The following FAM153A variants were observed in gnomAD, a reference collection of about 807,000 sequenced individuals.
The protein encoded by FAM153A is family with sequence similarity 153 member A, also known as protein FAM153A.
Under a neutral mutation model 48.1 loss-of-function variants are expected in FAM153A, and 12 were observed. The ratio of observed to expected loss-of-function variants is 0.25; its 90% CI spans 0.16 to 0.40. The LOEUF is 0.40. FAM153A is among the 10% of genes least tolerant of loss of function. The pLI is 1.00. For missense variants in FAM153A, 111 were observed against 345.8 expected (o/e 0.32, Z 5.38); for synonymous variants, 36 against 118.2 (o/e 0.30, Z 4.51).
intron 12 of FAM153A, among the ~76,000 whole-genome samples, chr5:177,735,145 G>A (rs1296460417): frequency 6.7e-6 from 1 of 150,148 alleles, no homozygotes; most frequent in African/African-American, 2.5e-5. Flanking sequence ...AGTGCAGGCT[G>A]TGTGTCCCTG....
At position 177,724,279 on chromosome 5, in the gene FAM153A, C is replaced by T. The variant is rs1339318400; in HGVS notation, c.1070+16G>A. 1 of 1,547,498 alleles carries T rather than the reference C, an allele frequency of 6.5e-7. No homozygotes were observed. The highest frequency in any genetic ancestry group is 1.1e-5 in the South Asian group (1 of 88,566). ...CGTGCCCACTTCCCTCATCATTCTG[C>T]CCACTGCACACTCACACTTCCTCTT... is the stretch of plus-strand genomic sequence containing the variant. On this transcript the variant is annotated intron_variant, in intron 20 of 20. Coordinates refer to ENST00000614127, the Ensembl canonical transcript of FAM153A.
the FAM153A span, among the ~76,000 whole-genome samples, chr5:177,702,939 C>G: frequency 6.6e-6 from 1 of 152,048 alleles, no homozygotes; most frequent in South Asian, 2.1e-4. Flanking sequence ...CATGAAGGCT[C>G]TGCCCCATGC....
intron 18 of FAM153A, among the ~76,000 whole-genome samples, chr5:177,725,836 T>C (rs898984532): frequency 1.3e-5 from 2 of 151,924 alleles, no homozygotes; most frequent in Non-Finnish European, 2.9e-5. Context: ...CACATATCCC[T>C]TAGGATTCCT....
rs774084490 is a variant in FAM153A, at chr5:177,778,261, TAAAAAAAAAA to T, written c.-57+2178_-57+2187del. ...ATGTACCCTAAAACTTAGAGTATAATAAAAAAAAAAAAAAAAAAAAAAAAGAAATAAGTGA... is the reference window on the plus strand; with the variant it reads ...ATGTACCCTAAAACTTAGAGTATAATAAAAAAAAAAAAAAGAAATAAGTGA... On this transcript the variant is annotated intron_variant, in intron 1 of 8. Coordinates refer to the FAM153A transcript ENST00000393518. Among the ~76,000 whole-genome samples, 2 of 20,040 alleles carry T rather than the reference TAAAAAAAAAA, an allele frequency of 1.0e-4. 1 individual carries two copies. Among genetic ancestry groups the T allele is most frequent in the East Asian group, 3.0e-3 (2 of 676 alleles). The allele number at this position is 20,040 out of a possible 152,430, so 13.1% of individuals were successfully genotyped here. A position where few individuals can be genotyped will look rare whatever the true frequency, so the allele number is the denominator to read the frequency against.
At chr5:177,728,565 G>GTT (rs1467069778) in intron 18 of FAM153A, among the ~76,000 whole-genome samples, 32 of 133,022 alleles carry the variant, frequency 2.4e-4, no homozygotes, top group Admixed American at 1.2e-3. Flanking sequence ...TTTTTTTTTT[G>GTT]TTTGTTTTTG....
chr5:177,699,977 A>C, the FAM153A span, among the ~76,000 whole-genome samples: 1 of 152,038 alleles, frequency 6.6e-6, no homozygotes, highest in Admixed American at 6.5e-5. Flanking sequence ...TAGTGAACTG[A>C]ATCTAGCAAC....
exon 27 of FAM153A, chr5:177,712,160 A>G (rs942791041): frequency 6.6e-6 from 1 of 151,896 alleles, no homozygotes; most frequent in African/African-American, 2.4e-5. Flanking sequence ...AAAATACACA[A>G]GAGACAAATC....
chr5:177,746,680 G>A (rs947170808), intron 4 of FAM153A, among the ~76,000 whole-genome samples: 10 of 150,168 alleles, frequency 6.7e-5, no homozygotes, highest in South Asian at 6.3e-4. Context: ...CATGGGGCCC[G>A]CTGTTGCTCA....
rs1190302418 is a variant in FAM153A, at chr5:177,771,532, T to C, written c.-57+8917A>G. Among the ~76,000 whole-genome samples the C allele has an allele frequency of 3.2e-5, 3 of 95,228 alleles. 1 individual carries two copies. Among genetic ancestry groups the C allele is most frequent in the African/African-American group, 8.4e-5 (2 of 23,918 alleles). 62.5% of individuals were successfully genotyped at this position (95,228 alleles called of 152,430 possible). ...ACAGCACCAAAAGTTAAGTTGGGGC[T>C]AAAACTGTTGTGCAGGAAAGATTTC... is the stretch of plus-strand genomic sequence containing the variant. On this transcript the variant is annotated intron_variant, in intron 1 of 8. Coordinates refer to the FAM153A transcript ENST00000393518.
chr5:177,705,904 C>T (rs1320712130), downstream of FAM153A, among the ~76,000 whole-genome samples: 9 of 151,446 alleles, frequency 5.9e-5, 1 homozygote, highest in East Asian at 1.9e-4. Context: ...GTGATCTGCC[C>T]GCCTCGGCCT....
chr5:177,716,567 A>G (rs1416339056), intron 24 of FAM153A, among the ~76,000 whole-genome samples: 3 of 151,852 alleles, frequency 2.0e-5, no homozygotes, highest in East Asian at 1.9e-4. Context: ...GACAATTCTC[A>G]GTTGAAATGT....
chr5:177,735,174 T>C (rs1338966766), intron 12 of FAM153A, among the ~76,000 whole-genome samples: 1 of 150,412 alleles, frequency 6.6e-6, no homozygotes, highest in African/African-American at 2.5e-5. Flanking sequence ...TTAGGGCTCC[T>C]CCTTCCTAAT....
chr5:177,705,658 CTTTTTTTT>C (rs70994931), downstream of FAM153A, among the ~76,000 whole-genome samples: 2 of 79,826 alleles, frequency 2.5e-5, no homozygotes, highest in Non-Finnish European at 5.2e-5. Context: ...TTTTCTTTTT[CTTTTTTTT>C]TTTTTTTTTT....
At chr5:177,758,916 C>G (rs1330234935) in intron 1 of FAM153A, among the ~76,000 whole-genome samples, 1 of 151,472 alleles carries the variant, frequency 6.6e-6, no homozygotes, top group Admixed American at 6.6e-5. Flanking sequence ...TAGGCATGGG[C>G]AAGGACTTCA....
chr5:177,738,928 G>C (rs1406999589), intron 10 of FAM153A, among the ~76,000 whole-genome samples, 185 bp downstream of exon 12: 2 of 150,444 alleles, frequency 1.3e-5, no homozygotes, highest in Non-Finnish European at 1.5e-5. Flanking sequence ...TGACACGGCA[G>C]CTAACAGAGA....
the FAM153A span, among the ~76,000 whole-genome samples, chr5:177,695,758 T>C: frequency 6.6e-6 from 1 of 151,852 alleles, no homozygotes; most frequent in Non-Finnish European, 1.5e-5. Context: ...CTGTTCTTGA[T>C]GGTCGCTGTC....
chr5:177,746,453 C>T (rs766128725), intron 4 of FAM153A, among the ~76,000 whole-genome samples: 18,040 of 147,550 alleles, frequency 0.12, 1,404 homozygotes, highest in East Asian at 0.32. Flanking sequence ...GCCACCGTCT[C>T]CAGCCAGAAC....
Position 177,712,525 on chromosome 5 carries a change from G to C in FAM153A, c.*2037C>G, listed in dbSNP as rs561923877. ...AAATACGAAATCTCATTTCTGAGGG[G>C]CCCCCCCCACCTCCAGTTAGGTGAT... On this transcript the variant is annotated 3_prime_UTR_variant and NMD_transcript_variant, in exon 27 of 27. Transcript: ENST00000360669. The C allele has an allele frequency of 7.9e-4, 120 of 151,430 alleles. 2 individuals are homozygous for C. Among genetic ancestry groups the C allele is most frequent in the South Asian group, 2.5e-3 (12 of 4,792 alleles). 9.4% of individuals were successfully genotyped at this position (151,430 alleles called of 1,614,324 possible). A position where few individuals can be genotyped will look rare whatever the true frequency, so the allele number is the denominator to read the frequency against.
chr5:177,752,384 AG>A (rs1394802192), intron 1 of FAM153A, among the ~76,000 whole-genome samples: 1 of 52,976 alleles, frequency 1.9e-5, no homozygotes, highest in Non-Finnish European at 3.6e-5. Flanking sequence ...GCACTTTGGG[AG>A]GCCAAGGTGG....
Sources: allele counts gnomAD v4.1 joint callset (sites outside exome capture counted in the v4.1 genomes callset), GRCh38; gene constraint gnomAD v4.1.1; transcripts MANE v1.5; gene names NCBI Gene and HGNC (gene_info 2026-07-23, HGNC 2026-07-21).